The following RIN2 variants were observed in gnomAD, a reference collection of about 807,000 sequenced individuals.
The protein encoded by RIN2 is Ras and Rab interactor 2.
A neutral mutation model predicts 78.0 loss-of-function variants in RIN2; 36 were observed. That is an observed-to-expected ratio of 0.46 (90% confidence interval 0.35 to 0.61). The LOEUF (loss-of-function observed/expected upper bound fraction) is 0.61. RIN2 is among the 20% of genes least tolerant of loss of function. RIN2 has a pLI of 0.00. For missense variants in RIN2, 1,087 were observed against 1,159.7 expected, an observed-to-expected ratio of 0.94 and a Z score of 0.91; for synonymous variants, 466 against 466.8, an observed-to-expected ratio of 1.00 and a Z score of 0.02.
intron 2 of RIN2, among the ~76,000 whole-genome samples, chr20:19,845,979 T>C (rs1003568129): frequency 3.9e-5 from 6 of 152,218 alleles, no homozygotes; most frequent in African/African-American, 1.2e-4. Flanking sequence ...ATTTATTAAA[T>C]AGGGAATCCT....
chr20:19,981,236 G>T (rs1052883406), intron 9 of RIN2, among the ~76,000 whole-genome samples: 1 of 152,136 alleles, frequency 6.6e-6, no homozygotes, highest in Non-Finnish European at 1.5e-5. Flanking sequence ...GGGAATTACC[G>T]CTGCCTTCCA....
At chr20:19,788,434 A>AAAAAAAAACAAAAACAAAAAC (rs1555818703) in intron 1 of RIN2, among the ~76,000 whole-genome samples, 19 of 137,484 alleles carry the variant, frequency 1.4e-4, no homozygotes, top group Admixed American at 4.3e-4. Context: ...GTCTCTGCCA[A>AAAAAAAAACAAAAACAAAAAC]AAAAAAAAAA....
chr20:19,952,362 G>T (rs1331662437), intron 4 of RIN2, among the ~76,000 whole-genome samples: 1 of 152,206 alleles, frequency 6.6e-6, no homozygotes, highest in African/African-American at 2.4e-5. Flanking sequence ...TCTAGGTGGA[G>T]CACCAGTAGC....
At position 19,833,717 on chromosome 20, in the gene RIN2, G is replaced by A. The variant is rs543328478; in HGVS notation, c.-37+33970G>A. ...TTCAAGCCTGGGCTGGTGCCCCACCGTGTTAGGAGTGGTGGCTGCTAACTG... is the reference window on the plus strand; with the variant it reads ...TTCAAGCCTGGGCTGGTGCCCCACCATGTTAGGAGTGGTGGCTGCTAACTG... On this transcript the variant is annotated intron_variant, in intron 2 of 12. Transcript: ENST00000255006. Among the ~76,000 whole-genome samples the A allele has an allele frequency of 1.0e-3, 158 of 152,300 alleles. 2 individuals are homozygous for A. The highest frequency in any genetic ancestry group is 3.7e-3 in the African/African-American group (154 of 41,566).
rs2042981681 is a variant in RIN2, at chr20:19,996,799, G to A, written c.2321G>A (p.Arg774Gln). The A allele has an allele frequency of 6.2e-7, 1 of 1,608,892 alleles. No homozygotes were observed. The highest frequency in any genetic ancestry group is 8.5e-7 in the Non-Finnish European group (1 of 1,177,524). The change falls in exon 12 of 13, where the codon CGG becomes CAG. Residue 774 changes from arginine (R) to glutamine (Q), a missense_variant. Coordinates refer to ENST00000255006, the MANE Select transcript of RIN2 (RefSeq NM_018993.4). ...GACACCCTGAGGCAGTGGCACAAAC[G>A]GAGAACCACCAACCGGACCATCCCC... ...TRDTLRQWHK[R>Q]RTTNRTIPSV...
chr20:19,955,901 T>C (rs2041509859), intron 4 of RIN2, among the ~76,000 whole-genome samples: 2 of 152,170 alleles, frequency 1.3e-5, no homozygotes, highest in African/African-American at 4.8e-5. Context: ...TACTGAGCAT[T>C]AGGAACTCAC....
At chr20:19,844,667 T>C (rs1195791015) in intron 2 of RIN2, among the ~76,000 whole-genome samples, 23 of 128,442 alleles carry the variant, frequency 1.8e-4, no homozygotes, top group African/African-American at 6.4e-4. Flanking sequence ...CTTCTTCTTC[T>C]TCCTTCTTCT....
intron 1 of RIN2, among the ~76,000 whole-genome samples, chr20:19,769,306 A>G (rs2034023528): frequency 6.6e-6 from 1 of 152,188 alleles, no homozygotes; most frequent in African/African-American, 2.4e-5. Context: ...AGGATAGAGG[A>G]CATTGAAAGC....
intron 4 of RIN2, among the ~76,000 whole-genome samples, chr20:19,935,905 G>A (rs753757368): frequency 1.2e-4 from 18 of 152,198 alleles, no homozygotes; most frequent in Non-Finnish European, 2.1e-4. Context: ...GACACTTCGT[G>A]CCTTAGAGGC....
At chr20:19,859,625 G>A (rs2037273194) in intron 2 of RIN2, among the ~76,000 whole-genome samples, 1 of 152,168 alleles carries the variant, frequency 6.6e-6, no homozygotes, top group Admixed American at 6.5e-5. Flanking sequence ...CATGACAGTA[G>A]CTACCATGTG....
rs1213126122 is a variant in RIN2, at chr20:20,000,944, G to A, written c.*8G>A. The stretch of plus-strand genomic sequence containing the variant: ...GACCTCACCACCTCCTAGAAGACAG[G>A]CGGGACTTCCCAGTGGTGCATCCAA... On this transcript the variant is annotated 3_prime_UTR_variant, in exon 13 of 13. Transcript: ENST00000255006. 6.2e-7 allele frequency: 1 copy of A among 1,601,172 alleles called. No individual in the cohort carries two copies. The highest frequency in any genetic ancestry group is 1.7e-5 in the Admixed American group (1 of 59,724).
intron 9 of RIN2, among the ~76,000 whole-genome samples, chr20:19,980,227 G>A (rs1345481726): frequency 6.6e-6 from 1 of 152,050 alleles, no homozygotes; most frequent in Non-Finnish European, 1.5e-5. Context: ...AAAGATTGTG[G>A]TATGCAAAAG....
chr20:19,972,282 T>C (rs1222181239), intron 8 of RIN2, among the ~76,000 whole-genome samples: 2 of 152,182 alleles, frequency 1.3e-5, no homozygotes, highest in Non-Finnish European at 2.9e-5. Context: ...CTCTTGAAGA[T>C]GTGCACCGGG....
chr20:19,971,166 A>G (rs1325028237), intron 8 of RIN2, among the ~76,000 whole-genome samples: 2 of 150,592 alleles, frequency 1.3e-5, no homozygotes, highest in Non-Finnish European at 2.9e-5. Context: ...AATCCAGTGT[A>G]GTGCATCTCG....
intron 8 of RIN2, among the ~76,000 whole-genome samples, chr20:19,973,602 A>C (rs1427842616): frequency 1.3e-5 from 2 of 152,148 alleles, no homozygotes; most frequent in African/African-American, 4.8e-5. Flanking sequence ...CAGCCTGGTA[A>C]ACATGGTGAA....
intron 7 of RIN2, among the ~76,000 whole-genome samples, chr20:19,966,638 G>A (rs925643892): frequency 5.3e-5 from 8 of 152,056 alleles, no homozygotes; most frequent in Non-Finnish European, 7.4e-5. Flanking sequence ...CCACTAAGCC[G>A]TTCACCCTCT....
chr20:19,960,838 C>T (rs6106169), intron 6 of RIN2, 27 bp downstream of exon 6: 4 of 1,446,032 alleles, frequency 2.8e-6, no homozygotes, highest in South Asian at 1.2e-5. Flanking sequence ...TGCTCAGGTC[C>T]TGACTGACAG....
At chr20:19,957,425 C>T (rs1353764008) in intron 5 of RIN2, among the ~76,000 whole-genome samples, 5 of 152,194 alleles carry the variant, frequency 3.3e-5, no homozygotes, top group African/African-American at 1.2e-4. Flanking sequence ...GCCTGTAATC[C>T]CAGCACTTTG....
At chr20:19,978,559 C>T (rs1441788536) in intron 9 of RIN2, among the ~76,000 whole-genome samples, 3 of 152,164 alleles carry the variant, frequency 2.0e-5, no homozygotes, top group African/African-American at 7.2e-5. Context: ...ATCTCAAAAC[C>T]GAAAAACTGC....
Sources: gnomAD v4.1 joint callset for allele counts (sites outside exome capture counted in the v4.1 genomes callset) on GRCh38, gnomAD v4.1.1 for gene constraint, MANE v1.5 for transcripts, NCBI Gene and HGNC (gene_info 2026-07-23, HGNC 2026-07-21) for gene names.